CHODL: variants seen among roughly 807,000 people sequenced by gnomAD.
The protein encoded by CHODL is transmembrane protein MT75.
A neutral mutation model predicts 34.5 loss-of-function variants in CHODL; 29 were observed. The observed-to-expected ratio is 0.84, with a 90% CI of 0.63 to 1.15. The LOEUF is 1.15. Among genes scored for constraint, CHODL ranks in the 50% most tolerant of loss-of-function variants. The pLI is 0.00. For missense variants in CHODL, 332 were observed against 332.5 expected (o/e 1.00, Z 0.01); for synonymous variants, 125 against 116.1 (o/e 1.08, Z -0.49).
At chr21:17,994,747 G>A (rs548479015) in intron 1 of CHODL, among the ~76,000 whole-genome samples, 11 of 152,128 alleles carry the variant, frequency 7.2e-5, no homozygotes, top group South Asian at 2.1e-4. Context: ...TGTGGGTGCC[G>A]ATGGCAGAAG....
At chr21:18,045,304 T>G (rs1251909371) in intron 2 of CHODL, among the ~76,000 whole-genome samples, 7 of 151,946 alleles carry the variant, frequency 4.6e-5, no homozygotes, top group African/African-American at 1.7e-4. Context: ...TGAGCTTATT[T>G]GGAAAAAATT....
At chr21:18,139,502 C>A (rs192225367) in intron 2 of CHODL, among the ~76,000 whole-genome samples, 1 of 152,128 alleles carries the variant, frequency 6.6e-6, no homozygotes, top group Non-Finnish European at 1.5e-5. Flanking sequence ...AAAGTGGGGG[C>A]AGAGACTGAG....
intron 2 of CHODL, among the ~76,000 whole-genome samples, chr21:18,231,319 G>A (rs8134630): frequency 1.3e-5 from 2 of 152,096 alleles, no homozygotes; most frequent in Non-Finnish European, 2.9e-5. Flanking sequence ...TCCTGCAGTC[G>A]CCTATTTATT....
chr21:18,155,139 A>AT (rs895389855), intron 2 of CHODL, among the ~76,000 whole-genome samples: 3 of 152,104 alleles, frequency 2.0e-5, no homozygotes, highest in African/African-American at 7.2e-5. Flanking sequence ...AGAGGTGACT[A>AT]TTTTTTCATA....
At chr21:18,200,316 T>C (rs1019218829) in intron 2 of CHODL, among the ~76,000 whole-genome samples, 25 of 152,178 alleles carry the variant, frequency 1.6e-4, no homozygotes, top group African/African-American at 5.5e-4. Context: ...AAATTTGCAA[T>C]ATAAATTCAA....
At chr21:18,066,784 A>C (rs935286989) in intron 2 of CHODL, among the ~76,000 whole-genome samples, 3 of 152,182 alleles carry the variant, frequency 2.0e-5, no homozygotes, top group Admixed American at 1.3e-4. Context: ...GGTGGGACCT[A>C]ATCCAATCTA....
At chr21:18,112,832 A>T (rs1366905740) in intron 2 of CHODL, among the ~76,000 whole-genome samples, 1 of 152,222 alleles carries the variant, frequency 6.6e-6, no homozygotes, top group Non-Finnish European at 1.5e-5. Context: ...ACATTGGGGA[A>T]ACTTTCTAGG....
Position 18,038,970 on chromosome 21 carries a change from C to G in CHODL, c.-45+10999C>G, listed in dbSNP as rs142611562. ...ATCCCAGATATGTAAACAAAATATG[C>G]TTGGATAAAAAGAAGATAAAGACTT... On this transcript the variant is annotated intron_variant, in intron 2 of 6. Transcript: ENST00000400127. 5.9e-3 allele frequency among the ~76,000 whole-genome samples: 887 copies of G among 151,586 alleles called. 11 individuals are homozygous for G. The highest frequency in any genetic ancestry group is 0.021 in the African/African-American group (851 of 41,432).
At chr21:18,001,332 G>C (rs887370012) in intron 1 of CHODL, among the ~76,000 whole-genome samples, 4 of 152,244 alleles carry the variant, frequency 2.6e-5, no homozygotes, top group Non-Finnish European at 5.9e-5. Context: ...TTGAAAACAA[G>C]TTGATAACAT....
chr21:18,077,199 C>G (rs925769719), intron 2 of CHODL, among the ~76,000 whole-genome samples: 1 of 152,096 alleles, frequency 6.6e-6, no homozygotes, highest in African/African-American at 2.4e-5. Flanking sequence ...CCTATTTTCC[C>G]TTTTGGAATG....
chr21:18,186,416 A>G (rs1457744897), intron 2 of CHODL, among the ~76,000 whole-genome samples: 1 of 152,094 alleles, frequency 6.6e-6, no homozygotes, highest in Non-Finnish European at 1.5e-5. Flanking sequence ...AAATTAAAAA[A>G]AAAAAGTCAT....
At chr21:18,251,083 C>T (rs923284105) in intron 1 of CHODL, among the ~76,000 whole-genome samples, 1 of 151,352 alleles carries the variant, frequency 6.6e-6, no homozygotes, top group Admixed American at 6.6e-5. Context: ...ATTATAGATC[C>T]TTTCTGCTCA....
At chr21:18,115,109 A>T (rs540306256) in intron 2 of CHODL, among the ~76,000 whole-genome samples, 1 of 152,368 alleles carries the variant, frequency 6.6e-6, no homozygotes, top group East Asian at 1.9e-4. Context: ...TTTTAGAAAG[A>T]TTAATAGAAA....
At chr21:17,933,435 G>T (rs1379474321) in intron 1 of CHODL, among the ~76,000 whole-genome samples, 1 of 152,194 alleles carries the variant, frequency 6.6e-6, no homozygotes. Flanking sequence ...AGGGAGTGGT[G>T]ATGACTCTTA....
At chr21:18,025,781 C>G (rs761735578) in intron 1 of CHODL, among the ~76,000 whole-genome samples, 1 of 152,002 alleles carries the variant, frequency 6.6e-6, no homozygotes, top group East Asian at 1.9e-4. Context: ...CTCTTTGACT[C>G]GAATATGGCT....
chr21:18,256,420 C>A, intron 1 of CHODL, 89 bp from the exon 2 acceptor site: 1 of 1,218,398 alleles, frequency 8.2e-7, no homozygotes, highest in Non-Finnish European at 1.1e-6. Flanking sequence ...GTATTTTCTG[C>A]TTTGACTGGT....
At chr21:17,941,673 T>C (rs1016364386) in intron 1 of CHODL, among the ~76,000 whole-genome samples, 3 of 152,168 alleles carry the variant, frequency 2.0e-5, no homozygotes, top group Admixed American at 1.3e-4. Flanking sequence ...TATTTGGCTA[T>C]CTATTTTTGG....
intron 1 of CHODL, among the ~76,000 whole-genome samples, chr21:17,995,301 G>A (rs377005689): frequency 6.6e-6 from 1 of 152,190 alleles, no homozygotes; most frequent in Admixed American, 6.5e-5. Flanking sequence ...CTCAGGATAT[G>A]TGAGGGCCAT....
chr21:18,250,230 T>A (rs1345733523), intron 1 of CHODL, among the ~76,000 whole-genome samples: 1 of 152,066 alleles, frequency 6.6e-6, no homozygotes, highest in African/African-American at 2.4e-5. Context: ...CAAAGCTAAT[T>A]CATTTTGATT....
Sources: gnomAD v4.1 joint callset for allele counts (sites outside exome capture counted in the v4.1 genomes callset) on GRCh38, gnomAD v4.1.1 for gene constraint, MANE v1.5 for transcripts, NCBI Gene and HGNC (gene_info 2026-07-23, HGNC 2026-07-21) for gene names.